RLN2: variants seen among roughly 807,000 people sequenced by gnomAD.
RLN2 encodes the protein prorelaxin H2.
RLN2 carries 10 observed loss-of-function variants against 7.3 expected under a neutral mutation model. That is an observed-to-expected ratio of 1.36 (90% CI 0.84 to 2.31). The LOEUF is 2.31. RLN2 is among the 30% of genes most tolerant of loss of function. RLN2 has a pLI of 0.00. For synonymous variants in RLN2, 103 were observed against 82.3 expected (o/e 1.25, Z -1.36); for missense variants, 298 against 217.6 (o/e 1.37, Z -2.32).
At chr9:5,309,874 A>T in the RLN2 span, among the ~76,000 whole-genome samples, 47 of 152,092 alleles carry the variant, frequency 3.1e-4, no homozygotes, top group African/African-American at 1.1e-3. Flanking sequence ...GGGAGCACCT[A>T]GAAGGCCCTG....
the RLN2 span, among the ~76,000 whole-genome samples, chr9:5,316,307 TTC>T: frequency 2.6e-5 from 4 of 151,830 alleles, no homozygotes; most frequent in Admixed American, 1.3e-4. Flanking sequence ...TTTCACTGAT[TTC>T]TCTTTTTTTT....
upstream of RLN2, chr9:5,304,848 T>A (rs190142994): frequency 1.2e-3 from 604 of 511,634 alleles, 2 homozygotes; most frequent in Non-Finnish European, 7.3e-4. Flanking sequence ...CCCATCCCTC[T>A]GTCCTTGGCC....
At chr9:5,317,746 G>T in the RLN2 span, among the ~76,000 whole-genome samples, 1 of 151,838 alleles carries the variant, frequency 6.6e-6, no homozygotes, top group Non-Finnish European at 1.5e-5. Context: ...CACAAATTAG[G>T]CAACTTGCAA....
At chr9:5,300,545 A>G (rs1467990051) in intron 1 of RLN2, 101 bp from the exon 2 acceptor site, 1 of 753,458 alleles carries the variant, frequency 1.3e-6, no homozygotes, top group Non-Finnish European at 2.1e-6. Flanking sequence ...GCATTGCCTC[A>G]GTATAAATTA....
chr9:5,316,124 CA>C, the RLN2 span, among the ~76,000 whole-genome samples: 1 of 151,768 alleles, frequency 6.6e-6, no homozygotes, highest in Non-Finnish European at 1.5e-5. Flanking sequence ...CCAAAAGAGT[CA>C]AAAATAATAA....
At chr9:5,330,891 T>C in the RLN2 span, among the ~76,000 whole-genome samples, 1 of 150,450 alleles carries the variant, frequency 6.6e-6, no homozygotes, top group African/African-American at 2.5e-5. Context: ...ATCAAAGAGA[T>C]GCAATGAAAA....
the RLN2 span, among the ~76,000 whole-genome samples, chr9:5,322,241 A>AC: frequency 6.6e-6 from 1 of 151,988 alleles, no homozygotes; most frequent in Admixed American, 6.6e-5. Context: ...CCACTCAGCA[A>AC]CCCCCAAAGG....
chr9:5,311,437 C>T, the RLN2 span: 1 of 581,792 alleles, frequency 1.7e-6, no homozygotes, highest in Non-Finnish European at 3.1e-6. Flanking sequence ...TACATCACCA[C>T]TGCCAGCATG....
the RLN2 span, among the ~76,000 whole-genome samples, chr9:5,309,719 T>C: frequency 6.6e-6 from 1 of 152,022 alleles, no homozygotes; most frequent in East Asian, 1.9e-4. Flanking sequence ...AACTCCTTAC[T>C]TGTAGGTCTT....
intron 1 of RLN2, among the ~76,000 whole-genome samples, chr9:5,301,542 A>T (rs1816135958): frequency 6.6e-6 from 1 of 152,252 alleles, no homozygotes; most frequent in Non-Finnish European, 1.5e-5. Context: ...TTTAAATTAC[A>T]GTGAAAACCC....
At chr9:5,318,693 C>A in the RLN2 span, among the ~76,000 whole-genome samples, 2 of 151,706 alleles carry the variant, frequency 1.3e-5, no homozygotes, top group Admixed American at 6.6e-5. Context: ...TCATTTTCAA[C>A]CTTTTGGATT....
At chr9:5,336,909 C>T in the RLN2 span, among the ~76,000 whole-genome samples, 1,837 of 152,066 alleles carry the variant, frequency 0.012, 68 homozygotes, top group African/African-American at 0.043. Flanking sequence ...TGATCATTTC[C>T]TGAGTTTTGT....
At chr9:5,312,675 T>C in the RLN2 span, among the ~76,000 whole-genome samples, 1 of 151,970 alleles carries the variant, frequency 6.6e-6, no homozygotes, top group Non-Finnish European at 1.5e-5. Context: ...AATACCATGA[T>C]TGTTTATGGA....
At chr9:5,335,766 T>G in the RLN2 span, among the ~76,000 whole-genome samples, 1 of 152,068 alleles carries the variant, frequency 6.6e-6, no homozygotes, top group South Asian at 2.1e-4. Context: ...TTTCTTACAG[T>G]TGGACACCTT....
chr9:5,301,982 T>G (rs1299802102), intron 1 of RLN2, among the ~76,000 whole-genome samples: 1 of 152,200 alleles, frequency 6.6e-6, no homozygotes, highest in Non-Finnish European at 1.5e-5. Context: ...ATCCTAAGTT[T>G]AATTCAATTT....
chr9:5,326,109 C>T, the RLN2 span, among the ~76,000 whole-genome samples: 2 of 152,090 alleles, frequency 1.3e-5, no homozygotes, highest in East Asian at 3.9e-4. Flanking sequence ...TTGCTAGAAA[C>T]CTTGTTACAG....
the RLN2 span, among the ~76,000 whole-genome samples, chr9:5,327,440 C>T: frequency 6.6e-6 from 1 of 152,098 alleles, no homozygotes; most frequent in East Asian, 1.9e-4. Flanking sequence ...TCAACAAGGC[C>T]CACCAGCCTT....
At chr9:5,327,358 G>C in the RLN2 span, among the ~76,000 whole-genome samples, 2 of 151,998 alleles carry the variant, frequency 1.3e-5, no homozygotes, top group Admixed American at 1.3e-4. Flanking sequence ...ATCCACCATT[G>C]CTGAGGCTTG....
the RLN2 span, among the ~76,000 whole-genome samples, chr9:5,317,337 C>G: frequency 6.6e-6 from 1 of 151,360 alleles, no homozygotes; most frequent in Admixed American, 6.6e-5. Context: ...TAAGAACACA[C>G]ATACCCTGGG....
Sources: allele counts gnomAD v4.1 joint callset (sites outside exome capture counted in the v4.1 genomes callset), GRCh38; gene constraint gnomAD v4.1.1; transcripts MANE v1.5; gene names NCBI Gene and HGNC (gene_info 2026-07-23, HGNC 2026-07-21).